The following DISC1 variants were observed in gnomAD, a reference collection of about 807,000 sequenced individuals.
DISC1 encodes the protein DISC1 scaffold protein.
In DISC1, 57 loss-of-function variants were observed where a neutral mutation model predicts 84.5. The ratio of observed to expected loss-of-function variants is 0.67; its 90% confidence interval spans 0.55 to 0.84. The LOEUF is 0.84. Ranked by LOEUF, DISC1 falls within the 40% of genes least tolerant of loss-of-function variation. DISC1 has a pLI of 0.00. For missense variants in DISC1, 1,000 were observed against 1,057.8 expected (o/e 0.95, Z 0.76); for synonymous variants, 411 against 415.2 (o/e 0.99, Z 0.12).
At chr1:231,859,169 T>C (rs751140895) in intron 9 of DISC1, among the ~76,000 whole-genome samples, 2 of 152,244 alleles carry the variant, frequency 1.3e-5, no homozygotes, top group Non-Finnish European at 2.9e-5. Context: ...GTTTGCAATG[T>C]GCCCCATGTC....
chr1:231,780,404 A>T (rs539074293), intron 6 of DISC1, among the ~76,000 whole-genome samples: 1 of 152,146 alleles, frequency 6.6e-6, no homozygotes, highest in Non-Finnish European at 1.5e-5. Context: ...TTAACACATG[A>T]AAAAATGCTC....
chr1:231,730,683 G>A (rs2071400110), intron 3 of DISC1, among the ~76,000 whole-genome samples: 1 of 152,192 alleles, frequency 6.6e-6, no homozygotes, highest in Non-Finnish European at 1.5e-5. Flanking sequence ...TTGTTGGTAG[G>A]CTGGGGTAAG....
intron 6 of DISC1, among the ~76,000 whole-genome samples, chr1:231,780,559 G>T (rs374391775): frequency 2.2e-5 from 3 of 134,624 alleles, no homozygotes; most frequent in Admixed American, 7.8e-5. Context: ...TACACTGTTG[G>T]TGGGACTGTA....
At chr1:232,035,989 A>G (rs1405807210) in intron 12 of DISC1, among the ~76,000 whole-genome samples, 1 of 152,190 alleles carries the variant, frequency 6.6e-6, no homozygotes, top group Non-Finnish European at 1.5e-5. Context: ...ACAGCTTAAG[A>G]AAAGAAAAGA....
At chr1:231,976,086 G>C (rs1378371331) in intron 10 of DISC1, among the ~76,000 whole-genome samples, 1 of 152,158 alleles carries the variant, frequency 6.6e-6, no homozygotes, top group African/African-American at 2.4e-5. Flanking sequence ...AGGAGGTGAG[G>C]CCAGGCAGCG....
chr1:231,766,580 G>A (rs776196522), intron 4 of DISC1, among the ~76,000 whole-genome samples: 12 of 152,314 alleles, frequency 7.9e-5, no homozygotes, highest in Admixed American at 1.3e-4. Context: ...CAGAGGAAGG[G>A]TGGATGCCGT....
chr1:231,811,150 G>T (rs2080255249), intron 8 of DISC1, among the ~76,000 whole-genome samples: 1 of 152,240 alleles, frequency 6.6e-6, no homozygotes, highest in East Asian at 1.9e-4. Flanking sequence ...TGCAAAGCCA[G>T]CCATGGGGCT....
In DISC1 at chr1:231,753,730, A is replaced by G. The variant is rs571195802; in HGVS notation, c.1268+3654A>G. On this transcript the variant is annotated intron_variant, in intron 4 of 12. Transcript: ENST00000439617. ...CAAGCTGCAAATTTTCCAAACTTTT[A>G]TGCTTTGTTTCCTCTTTAAATATAA... is the stretch of plus-strand genomic sequence containing the variant. 7.2e-5 allele frequency among the ~76,000 whole-genome samples: 11 copies of G among 152,254 alleles called. No homozygotes were observed. The East Asian group carries it at 2.1e-3, about 29-fold the overall frequency.
intron 8 of DISC1, among the ~76,000 whole-genome samples, chr1:231,802,794 A>G (rs984912262): frequency 6.6e-6 from 1 of 151,778 alleles, no homozygotes; most frequent in Non-Finnish European, 1.5e-5. Context: ...TCTTTTTTAT[A>G]TTGCCTCAGT....
Position 231,922,098 on chromosome 1 carries a change from T to A in DISC1, c.1982-36730T>A, listed in dbSNP as rs576086994. Reference sequence around the variant, plus strand: ...CCTGAGGCTTGGGAATTTGGGTGAATCCTGATTCTGCCATGCACTTTGGGC... The same window carrying A: ...CCTGAGGCTTGGGAATTTGGGTGAAACCTGATTCTGCCATGCACTTTGGGC... On this transcript the variant is annotated intron_variant, in intron 9 of 12. Coordinates refer to ENST00000439617, the MANE Select transcript of DISC1 (RefSeq NM_018662.3). 2.8e-4 allele frequency among the ~76,000 whole-genome samples: 42 copies of A among 152,256 alleles called. 2 individuals carry two copies. In the South Asian group the frequency reaches 8.1e-3, roughly 29 times the overall value.
intron 10 of DISC1, among the ~76,000 whole-genome samples, chr1:231,972,966 C>T (rs1425934147): frequency 1.3e-5 from 2 of 152,144 alleles, no homozygotes; most frequent in Non-Finnish European, 2.9e-5. Context: ...CAACCTGACC[C>T]CATCGCCTCA....
rs145126594 is a variant in DISC1, at chr1:231,851,520, G to C, written c.1981+33003G>C. On this transcript the variant is annotated intron_variant, in intron 9 of 12. Transcript: ENST00000439617. The stretch of plus-strand genomic sequence containing the variant: ...GGCCTACATTCACCCCTGTCCGAAG[G>C]GGGTGGAAATGAGATCATTTCACAC... Among the ~76,000 whole-genome samples the C allele has an allele frequency of 3.2e-3, 484 of 152,296 alleles. 5 individuals are homozygous for C. Among genetic ancestry groups the C allele is most frequent in the Middle Eastern group, 0.024 (7 of 294 alleles).
chr1:231,688,938 T>C (rs541381979), intron 1 of DISC1, among the ~76,000 whole-genome samples: 2 of 152,338 alleles, frequency 1.3e-5, no homozygotes, highest in Non-Finnish European at 2.9e-5. Flanking sequence ...ACTTAAGTGC[T>C]CTCTGAATTA....
chr1:231,694,421 G>T lies in DISC1; in HGVS notation c.663G>T (p.Gly221=). 1 of 1,614,260 alleles carries T rather than the reference G, an allele frequency of 6.2e-7. No individual in the cohort carries two copies. Among genetic ancestry groups the T allele is most frequent in the Non-Finnish European group, 8.5e-7 (1 of 1,180,050 alleles). ...TTCGGCTCTCGCTTGGCTCTGCCGG[G>T]GAACGTGGAGAAGCAGAAGGCTGCC... ...SFIRLSLGSA[G]ERGEAEGCPP... The change falls in exon 2 of 13, where the codon GGG becomes GGT. Residue 221 remains glycine (G), a synonymous_variant. Coordinates refer to ENST00000439617, the MANE Select transcript of DISC1 (RefSeq NM_018662.3).
At chr1:231,802,395 C>G (rs1304416293) in intron 8 of DISC1, among the ~76,000 whole-genome samples, 1 of 152,118 alleles carries the variant, frequency 6.6e-6, no homozygotes, top group East Asian at 1.9e-4. Context: ...TTTCCCCTTG[C>G]CTTCCGCCAT....
At chr1:231,813,285 TG>T (rs1201350961) in intron 8 of DISC1, 5 of 152,344 alleles carry the variant, frequency 3.3e-5, no homozygotes, top group Non-Finnish European at 5.9e-5. Flanking sequence ...GCATAGTTGG[TG>T]CCCATCCCAC....
At chr1:231,997,450 C>T (rs1019950377) in intron 10 of DISC1, among the ~76,000 whole-genome samples, 5 of 151,988 alleles carry the variant, frequency 3.3e-5, no homozygotes, top group African/African-American at 1.2e-4. Context: ...GTGATTTGGC[C>T]CACGTGTGGG....
chr1:231,643,349 A>G (rs1466189912), intron 1 of DISC1, among the ~76,000 whole-genome samples: 1 of 152,146 alleles, frequency 6.6e-6, no homozygotes, highest in Non-Finnish European at 1.5e-5. Flanking sequence ...GGCAATAACT[A>G]GTAAAAAAAA....
chr1:231,919,521 C>A (rs144489444), intron 9 of DISC1, among the ~76,000 whole-genome samples: 1 of 152,262 alleles, frequency 6.6e-6, no homozygotes, highest in East Asian at 1.9e-4. Flanking sequence ...CTTTCTGGCC[C>A]GGTCAGGGAA....
Sources: allele counts gnomAD v4.1 joint callset (sites outside exome capture counted in the v4.1 genomes callset), GRCh38; gene constraint gnomAD v4.1.1; transcripts MANE v1.5; gene names NCBI Gene and HGNC (gene_info 2026-07-23, HGNC 2026-07-21).